The following LRRC37A2 variants were observed in gnomAD, a reference collection of about 807,000 sequenced individuals.
LRRC37A2 encodes leucine-rich repeat-containing protein 37A2.
Under a neutral mutation model 68.8 loss-of-function variants are expected in LRRC37A2, and 9 were observed. That is an observed-to-expected ratio of 0.13 (90% CI 0.08 to 0.23). The LOEUF (loss-of-function observed/expected upper bound fraction) is 0.23. Ranked by LOEUF, LRRC37A2 falls within the 10% of genes least tolerant of loss-of-function variation. The pLI is 1.00. For missense variants in LRRC37A2, 168 were observed against 950.4 expected, an observed-to-expected ratio of 0.18 and a Z score of 10.82; for synonymous variants, 63 against 367.6, an observed-to-expected ratio of 0.17 and a Z score of 9.48.
the LRRC37A2 span, among the ~76,000 whole-genome samples, chr17:46,824,642 A>T: frequency 6.6e-6 from 1 of 152,200 alleles, no homozygotes. Context: ...AACTCCCTCC[A>T]CAAGACTGCT....
At chr17:46,922,933 A>T in the LRRC37A2 span, 1 of 573,762 alleles carries the variant, frequency 1.7e-6, no homozygotes, top group East Asian at 2.9e-5. Flanking sequence ...TCCTGAGGCT[A>T]GCCTTCAGCG....
At chr17:46,929,545 A>G in the LRRC37A2 span, 13 of 1,570,074 alleles carry the variant, frequency 8.3e-6, no homozygotes, top group Non-Finnish European at 1.1e-5. Context: ...CCAGTCTTGC[A>G]TGGGACGCCT....
chr17:46,823,477 C>T, the LRRC37A2 span, among the ~76,000 whole-genome samples: 3 of 151,440 alleles, frequency 2.0e-5, no homozygotes, highest in Non-Finnish European at 2.9e-5. Flanking sequence ...CTCACTGTGT[C>T]GCCCAGGCTG....
chr17:46,930,478 A>G, the LRRC37A2 span: 1 of 152,426 alleles, frequency 6.6e-6, no homozygotes, highest in African/African-American at 2.4e-5. Context: ...TATTTATCGT[A>G]TCTCTTTACC....
At chr17:46,871,687 A>C in the LRRC37A2 span, among the ~76,000 whole-genome samples, 1 of 152,222 alleles carries the variant, frequency 6.6e-6, no homozygotes, top group East Asian at 1.9e-4. Flanking sequence ...TCAAGATTGC[A>C]TAGCTAGAAC....
At chr17:46,771,310 T>C in the LRRC37A2 span, among the ~76,000 whole-genome samples, 3 of 151,798 alleles carry the variant, frequency 2.0e-5, no homozygotes, top group African/African-American at 7.3e-5. Context: ...GGCCTCGGGG[T>C]CCCAGCCGCG....
chr17:46,896,901 G>A, the LRRC37A2 span, among the ~76,000 whole-genome samples: 1 of 152,124 alleles, frequency 6.6e-6, no homozygotes, highest in African/African-American at 2.4e-5. Context: ...CCCCACCAGA[G>A]TCCAGGCCAA....
At chr17:46,932,191 A>G in the LRRC37A2 span, 1 of 1,614,020 alleles carries the variant, frequency 6.2e-7, no homozygotes, top group Admixed American at 1.7e-5. Flanking sequence ...TCGAACCTTC[A>G]CCACTAACGT....
At chr17:46,941,064 TC>T in the LRRC37A2 span, 2 of 1,080,868 alleles carry the variant, frequency 1.9e-6, no homozygotes, top group Middle Eastern at 8.7e-4. Context: ...GTAGCCAGCC[TC>T]TGTGACCTTG....
the LRRC37A2 span, among the ~76,000 whole-genome samples, chr17:46,980,666 C>CAAAAAAAAAAAAAAAAAAAAAAAAAA: frequency 6.0e-5 from 5 of 83,888 alleles, no homozygotes; most frequent in Non-Finnish European, 7.7e-5. Flanking sequence ...ACTAAAAATA[C>CAAAAAAAAAAAAAAAAAAAAAAAAAA]AAAAAAAAAA....
At chr17:46,937,732 A>T in the LRRC37A2 span, 1 of 152,218 alleles carries the variant, frequency 6.6e-6, no homozygotes, top group African/African-American at 2.4e-5. Context: ...TCCAAGGTTC[A>T]TTCATATTGT....
At chr17:46,943,835 G>A in the LRRC37A2 span, among the ~76,000 whole-genome samples, 2 of 152,242 alleles carry the variant, frequency 1.3e-5, no homozygotes, top group African/African-American at 4.8e-5. Context: ...CTCAGGACTG[G>A]GGAGAGAGAA....
the LRRC37A2 span, among the ~76,000 whole-genome samples, chr17:46,819,503 G>C: frequency 6.6e-6 from 1 of 152,166 alleles, no homozygotes; most frequent in Non-Finnish European, 1.5e-5. The surrounding 1 kb of genome is among the most constrained non-coding windows in gnomAD (Gnocchi z 5.3). Flanking sequence ...TCTGGCCCGG[G>C]TCGGAGGCGT....
At chr17:46,854,915 C>T in the LRRC37A2 span, among the ~76,000 whole-genome samples, 1 of 152,174 alleles carries the variant, frequency 6.6e-6, no homozygotes, top group Non-Finnish European at 1.5e-5. Flanking sequence ...TTGCCTGGGC[C>T]TCCTAAAGTG....
chr17:46,753,307 G>A, the LRRC37A2 span, among the ~76,000 whole-genome samples: 1 of 152,108 alleles, frequency 6.6e-6, no homozygotes, highest in South Asian at 2.1e-4. Flanking sequence ...ATAGGCTCTT[G>A]GACCAATAAC....
the LRRC37A2 span, among the ~76,000 whole-genome samples, chr17:46,996,046 C>T: frequency 1.3e-5 from 2 of 152,120 alleles, no homozygotes; most frequent in African/African-American, 4.8e-5. Context: ...AGGCCTCCCA[C>T]TCTGCTTGCT....
At chr17:46,862,163 C>CA in the LRRC37A2 span, among the ~76,000 whole-genome samples, 395 of 79,916 alleles carry the variant, frequency 4.9e-3, 4 homozygotes, top group South Asian at 0.022. Flanking sequence ...AACTCCGTCT[C>CA]AAAAAAAAAA....
At chr17:46,684,843 AT>A in the LRRC37A2 span, among the ~76,000 whole-genome samples, 1 of 119,950 alleles carries the variant, frequency 8.3e-6, no homozygotes, top group Non-Finnish European at 1.7e-5. Flanking sequence ...CTATTTTCTT[AT>A]TTTAATCCTT....
chr17:46,493,694 C>T, the LRRC37A2 span, among the ~76,000 whole-genome samples: 6 of 149,664 alleles, frequency 4.0e-5, no homozygotes, highest in African/African-American at 1.0e-4. Flanking sequence ...CCCGCCCCCA[C>T]GCCCAGCTAA....
Sources: allele counts gnomAD v4.1 joint callset (sites outside exome capture counted in the v4.1 genomes callset), GRCh38; gene constraint gnomAD v4.1.1; non-coding constraint Gnocchi (gnomAD v3.1); transcripts MANE v1.5; gene names NCBI Gene and HGNC (gene_info 2026-07-23, HGNC 2026-07-21).